ZNF609: variants seen among roughly 807,000 people sequenced by gnomAD.
ZNF609 encodes zinc finger protein 609.
Under a neutral mutation model 109.5 loss-of-function variants are expected in ZNF609, and 11 were observed. The ratio of observed to expected loss-of-function variants is 0.10; its 90% CI spans 0.06 to 0.17. The LOEUF is 0.17. ZNF609 is among the 10% of genes least tolerant of loss of function. ZNF609 has a pLI of 1.00. For synonymous variants in ZNF609, 646 were observed against 662.0 expected (o/e 0.98, Z 0.37); for missense variants, 1,559 against 1,772.4 (o/e 0.88, Z 2.16).
intron 3 of ZNF609, 25 bp from the exon 4 acceptor site, chr15:64,670,321 A>G (rs1896707135): frequency 1.3e-6 from 2 of 1,595,754 alleles, no homozygotes; most frequent in South Asian, 1.1e-5. Flanking sequence ...TGTCTTGTCT[A>G]TATCTATGTG....
rs10628744 is a variant in ZNF609, at chr15:64,646,939, C to CAAA, written c.974-23386_974-23384dup. On this transcript the variant is annotated intron_variant, in intron 3 of 9. Transcript: ENST00000326648. The stretch of plus-strand genomic sequence containing the variant: ...TGGATGACAGAGGGAGACTCTGTCT[C>CAAA]AAAAAAAAAAAAAAAAAAAAAAATC... Among the ~76,000 whole-genome samples, 170 of 59,516 alleles carry CAAA rather than the reference C, an allele frequency of 2.9e-3. 5 individuals are homozygous for CAAA. The highest frequency in any genetic ancestry group is 8.6e-3 in the African/African-American group (123 of 14,228). The allele number at this position is 59,516 out of a possible 152,430, so 39.0% of individuals were successfully genotyped here. A position where few individuals can be genotyped will look rare whatever the true frequency, so the allele number is the denominator to read the frequency against.
chr15:64,636,072 T>A (rs551510080), intron 3 of ZNF609, among the ~76,000 whole-genome samples: 2 of 152,340 alleles, frequency 1.3e-5, no homozygotes, highest in African/African-American at 4.8e-5. Context: ...GCCTTGTGTT[T>A]TGTCTGCCAG....
intron 3 of ZNF609, among the ~76,000 whole-genome samples, chr15:64,666,523 A>T (rs1047499648): frequency 6.6e-6 from 1 of 151,970 alleles, no homozygotes; most frequent in Non-Finnish European, 1.5e-5. Context: ...TTATTTTTTG[A>T]GATGAAGCCT....
intron 2 of ZNF609, among the ~76,000 whole-genome samples, chr15:64,527,738 G>T (rs1032810987): frequency 3.9e-5 from 6 of 152,112 alleles, no homozygotes; most frequent in African/African-American, 1.2e-4. Flanking sequence ...CTAGAAACTT[G>T]TGAGTCATCT....
At chr15:64,507,212 C>G (rs972928983) in intron 2 of ZNF609, among the ~76,000 whole-genome samples, 5 of 152,124 alleles carry the variant, frequency 3.3e-5, no homozygotes. Flanking sequence ...TGGAGTAGTG[C>G]TAAGTGTTTT....
intron 2 of ZNF609, among the ~76,000 whole-genome samples, chr15:64,511,821 T>A (rs953995713): frequency 7.3e-5 from 11 of 151,552 alleles, no homozygotes; most frequent in Non-Finnish European, 1.2e-4. Context: ...TTCAAGTGAT[T>A]CTCCTGCCTC....
intron 2 of ZNF609, among the ~76,000 whole-genome samples, chr15:64,550,371 A>AT (rs1432015242): frequency 6.6e-6 from 1 of 151,778 alleles, no homozygotes; most frequent in Non-Finnish European, 1.5e-5. Context: ...AGTTCTTTAT[A>AT]TATTTTGGAT....
At position 64,683,787 on chromosome 15, in the gene ZNF609, A is replaced by G. The variant is rs750915566; in HGVS notation, c.*2101A>G. Reference sequence around the variant, plus strand: ...TTTTAAATATTGTTGTGTGTTTTGTATCTGTGGCACTGGCCTGCAGCATAC... The same window carrying G: ...TTTTAAATATTGTTGTGTGTTTTGTGTCTGTGGCACTGGCCTGCAGCATAC... On this transcript the variant is annotated 3_prime_UTR_variant, in exon 10 of 10. Coordinates refer to ENST00000326648, the MANE Select transcript of ZNF609 (RefSeq NM_015042.2). 9 of 152,208 alleles carry G rather than the reference A, an allele frequency of 5.9e-5. No homozygotes were observed. The highest frequency in any genetic ancestry group is 1.2e-4 in the African/African-American group (5 of 41,440). The allele number at this position is 152,208 out of a possible 1,614,324, so 9.4% of individuals were successfully genotyped here. A position where few individuals can be genotyped will look rare whatever the true frequency, so the allele number is the denominator to read the frequency against.
rs754487893 is a variant in ZNF609 at position 64,680,694 on chromosome 15, G to A, written c.3994G>A (p.Val1332Ile). 26 of 1,611,296 alleles carry A rather than the reference G, an allele frequency of 1.6e-5. No individual in the cohort carries two copies. Reference sequence around the variant, plus strand: ...GAGAGATCGAGGAGGCTGTGGGGTGGTTGGGGGTGGTGGCAGCTGTAGCAG... The same window carrying A: ...GAGAGATCGAGGAGGCTGTGGGGTGATTGGGGGTGGTGGCAGCTGTAGCAG... ...QERDRGGCGV[V>I]GGGGSCSSVG... is the part of the protein sequence containing the mutation. Residue 1332 changes from valine (V) to isoleucine (I), a missense_variant, in exon 8 of 10, where the codon GTT (valine) becomes ATT (isoleucine). Around this residue, in one of 4 missense-constraint regions of ZNF609, gnomAD observed 1,204 missense variants for 1,314.1 expected, o/e 0.92. Transcript: ENST00000326648.
intron 2 of ZNF609, among the ~76,000 whole-genome samples, chr15:64,519,158 G>A (rs982777133): frequency 2.0e-5 from 3 of 151,886 alleles, no homozygotes; most frequent in Admixed American, 6.6e-5. Context: ...GAAAATATCC[G>A]TGAAGAAGTT....
At chr15:64,608,725 G>A (rs893496060) in intron 2 of ZNF609, among the ~76,000 whole-genome samples, 7 of 10,140 alleles carry the variant, frequency 6.9e-4, no homozygotes, top group African/African-American at 7.4e-4. Flanking sequence ...GCATGCATGC[G>A]TGTGTGTGTG....
At chr15:64,464,610 C>T (rs1892984866) in intron 1 of ZNF609, among the ~76,000 whole-genome samples, 2 of 152,060 alleles carry the variant, frequency 1.3e-5, no homozygotes, top group African/African-American at 4.8e-5. Context: ...AAACAAAAAC[C>T]CCACAAAATG....
In ZNF609 at chr15:64,681,676, C is replaced by CATGT. The variant is rs1225622268; in HGVS notation, c.*6-15_*6-12dup. On this transcript the variant is annotated splice_polypyrimidine_tract_variant and intron_variant, in intron 9 of 9. Coordinates refer to ENST00000326648, the MANE Select transcript of ZNF609 (RefSeq NM_015042.2). ...CAGGCTGAGTGCCTGGTTATCTGTCCATGTTTCCCTTGCAGACACCAAGTG... is the reference window on the plus strand; with the variant it reads ...CAGGCTGAGTGCCTGGTTATCTGTCCATGTATGTTTCCCTTGCAGACACCAAGTG... 2 of 313,668 alleles carry CATGT rather than the reference C, an allele frequency of 6.4e-6. No individual in the cohort carries two copies. The highest frequency in any genetic ancestry group is 6.0e-6 in the Non-Finnish European group (1 of 167,850). 19.4% of individuals were successfully genotyped at this position (313,668 alleles called of 1,614,324 possible).
rs1895635224 is a variant in ZNF609 at position 64,607,865 on chromosome 15, TTCTTTCTTTC to T, written c.748-14960_748-14951del. Among the ~76,000 whole-genome samples the T allele has an allele frequency of 6.2e-5, 5 of 80,650 alleles. No homozygotes were observed. In the South Asian group the frequency reaches 1.8e-3, roughly 29 times the overall value. 52.9% of individuals were successfully genotyped at this position (80,650 alleles called of 152,430 possible). A position where few individuals can be genotyped will look rare whatever the true frequency, so the allele number is the denominator to read the frequency against. On this transcript the variant is annotated intron_variant, in intron 2 of 9. Coordinates refer to ENST00000326648, the MANE Select transcript of ZNF609 (RefSeq NM_015042.2). ...TTTCTTTCTTTCTTTCTTTCTTTCT[TTCTTTCTTTC>T]TTTCTTCTTTCTTTTCTTTCTTTTT...
At chr15:64,489,132 A>G (rs1893373329) in intron 1 of ZNF609, among the ~76,000 whole-genome samples, 1 of 151,106 alleles carries the variant, frequency 6.6e-6, no homozygotes, top group African/African-American at 2.4e-5. Flanking sequence ...AGGAAAATTA[A>G]TGATTTTACA....
Position 64,643,600 on chromosome 15 carries a change from G to A in ZNF609, c.973+20548G>A, listed in dbSNP as rs74731219. 5.3e-4 allele frequency among the ~76,000 whole-genome samples: 81 copies of A among 152,274 alleles called. 1 individual carries two copies. In the East Asian group the frequency reaches 0.015, roughly 29 times the overall value. On this transcript the variant is annotated intron_variant, in intron 3 of 9. Transcript: ENST00000326648. ...GAGTAAAGAGGACTTTACTAGGAAAGCAAAGAGAAGACCATAACTGAAGGC... is the reference window on the plus strand; with the variant it reads ...GAGTAAAGAGGACTTTACTAGGAAAACAAAGAGAAGACCATAACTGAAGGC...
chr15:64,556,728 A>G (rs1894594638), intron 2 of ZNF609, among the ~76,000 whole-genome samples: 1 of 152,160 alleles, frequency 6.6e-6, no homozygotes, highest in Admixed American at 6.5e-5. Context: ...CTTGGTTGTT[A>G]TATACAGTGT....
chr15:64,659,804 T>A, intron 3 of ZNF609, among the ~76,000 whole-genome samples: 1 of 152,076 alleles, frequency 6.6e-6, no homozygotes, highest in Non-Finnish European at 1.5e-5. Context: ...TCAAAACATT[T>A]TTTTGGAACG....
intron 2 of ZNF609, among the ~76,000 whole-genome samples, chr15:64,524,579 G>GC (rs1893943025): frequency 3.3e-5 from 5 of 149,778 alleles, no homozygotes; most frequent in Non-Finnish European, 7.4e-5. Flanking sequence ...AAAAAAAAAA[G>GC]GGGGGGGCCT....
Sources: gnomAD v4.1 joint callset for allele counts (sites outside exome capture counted in the v4.1 genomes callset) on GRCh38, gnomAD v4.1.1 for gene constraint, gnomAD v4.1.1 regional missense constraint, MANE v1.5 for transcripts, NCBI Gene and HGNC (gene_info 2026-07-23, HGNC 2026-07-21) for gene names.